GAS2: variants seen among roughly 807,000 people sequenced by gnomAD.
GAS2 encodes growth arrest-specific protein 2.
GAS2 carries 20 observed loss-of-function variants against 37.5 expected under a neutral mutation model. That is an observed-to-expected ratio of 0.53 (90% CI 0.37 to 0.77). GAS2 has a LOEUF of 0.77. Ranked by LOEUF, GAS2 falls within the 30% of genes least tolerant of loss-of-function variation. GAS2 has a pLI of 0.00. For synonymous variants in GAS2, 144 were observed against 132.2 expected (o/e 1.09, Z -0.61); for missense variants, 336 against 373.4 (o/e 0.90, Z 0.82).
In GAS2 at chr11:22,765,552, G is replaced by A. The variant is rs141928628; in HGVS notation, c.723+9599G>A. On this transcript the variant is annotated intron_variant, in intron 7 of 7. Transcript: ENST00000454584. ...CCCAGCACTTTGGGAGGCCAAGGCG[G>A]GCGGCTCATGAGATCAGGAGATTGA... is the stretch of plus-strand genomic sequence containing the variant. Among the ~76,000 whole-genome samples the A allele has an allele frequency of 2.9e-3, 437 of 152,300 alleles. 1 individual carries two copies. Among genetic ancestry groups the A allele is most frequent in the African/African-American group, 9.6e-3 (401 of 41,562 alleles).
intron 2 of GAS2, among the ~76,000 whole-genome samples, chr11:22,679,044 G>C (rs551171712): frequency 4.5e-4 from 68 of 152,126 alleles, no homozygotes; most frequent in Non-Finnish European, 8.7e-4. Flanking sequence ...GTTAATAGTA[G>C]CTGGGATTTC....
At chr11:22,648,298 C>A (rs1460037840) in intron 1 of GAS2, among the ~76,000 whole-genome samples, 3 of 152,074 alleles carry the variant, frequency 2.0e-5, no homozygotes, top group African/African-American at 7.3e-5. Context: ...TGTTTTGGTA[C>A]CAATACCATG....
At chr11:22,754,563 C>T (rs1391192460) in intron 6 of GAS2, among the ~76,000 whole-genome samples, 1 of 151,860 alleles carries the variant, frequency 6.6e-6, no homozygotes, top group Non-Finnish European at 1.5e-5. Context: ...CATAATTGTA[C>T]ATGCGATAAA....
intron 3 of GAS2, among the ~76,000 whole-genome samples, chr11:22,714,408 G>A (rs2134099763): frequency 6.6e-6 from 1 of 152,080 alleles, no homozygotes; most frequent in African/African-American, 2.4e-5. Flanking sequence ...AATGAGATAG[G>A]TGACAGCATA....
chr11:22,739,946 C>T (rs148694173), intron 5 of GAS2, among the ~76,000 whole-genome samples: 2 of 151,864 alleles, frequency 1.3e-5, no homozygotes, highest in African/African-American at 4.8e-5. Context: ...TGCCTTATTT[C>T]TGGATTTTAT....
At chr11:22,771,375 A>C (rs1173089512) in intron 7 of GAS2, among the ~76,000 whole-genome samples, 1 of 152,168 alleles carries the variant, frequency 6.6e-6, no homozygotes, top group African/African-American at 2.4e-5. Context: ...AAAATGAAAC[A>C]CCATATAATT....
At chr11:22,646,676 TG>T (rs1347172375) in intron 1 of GAS2, among the ~76,000 whole-genome samples, 1 of 152,226 alleles carries the variant, frequency 6.6e-6, no homozygotes, top group African/African-American at 2.4e-5. Context: ...CATTTGCCTC[TG>T]TTAAATTGTA....
At chr11:22,729,312 G>A (rs1852363588) in intron 4 of GAS2, among the ~76,000 whole-genome samples, 1 of 151,746 alleles carries the variant, frequency 6.6e-6, no homozygotes, top group South Asian at 2.1e-4. Flanking sequence ...TTATTTGTCA[G>A]AGGATCTTGA....
intron 1 of GAS2, among the ~76,000 whole-genome samples, chr11:22,652,277 TTCTCAGA>T (rs1200468599): frequency 6.6e-6 from 1 of 152,190 alleles, no homozygotes; most frequent in Non-Finnish European, 1.5e-5. Flanking sequence ...AGTCTGCCCG[TTCTCAGA>T]TCTCCAGCTG....
At chr11:22,780,120 C>T (rs1855478594) in intron 7 of GAS2, among the ~76,000 whole-genome samples, 1 of 152,108 alleles carries the variant, frequency 6.6e-6, no homozygotes, top group African/African-American at 2.4e-5. Context: ...CTAAAACAAA[C>T]AGGTACTGTT....
chr11:22,630,935 G>T (rs908457713), intron 1 of GAS2, among the ~76,000 whole-genome samples: 1 of 152,176 alleles, frequency 6.6e-6, no homozygotes, highest in Non-Finnish European at 1.5e-5. Flanking sequence ...GCTTTGGGCA[G>T]TATGGTCATT....
chr11:22,807,960 G>A (rs996943463), intron 7 of GAS2, among the ~76,000 whole-genome samples: 2 of 152,112 alleles, frequency 1.3e-5, no homozygotes, highest in East Asian at 3.9e-4. Flanking sequence ...TCTGAGAAAA[G>A]AACTCAGATA....
intron 1 of GAS2, among the ~76,000 whole-genome samples, chr11:22,654,844 T>A (rs900905883): frequency 6.6e-6 from 1 of 152,164 alleles, no homozygotes. Flanking sequence ...ATTATAAAAC[T>A]AAAAGAGCAT....
At chr11:22,707,173 T>C (rs996600959) in intron 3 of GAS2, among the ~76,000 whole-genome samples, 2 of 152,166 alleles carry the variant, frequency 1.3e-5, no homozygotes, top group African/African-American at 4.8e-5. Flanking sequence ...AGTTTCCTAC[T>C]TGAGGACACA....
intron 7 of GAS2, among the ~76,000 whole-genome samples, chr11:22,775,771 T>G (rs1475621665): frequency 1.3e-5 from 2 of 152,184 alleles, no homozygotes; most frequent in African/African-American, 2.4e-5. Context: ...TTTTAGAAAT[T>G]TGTTACCCTA....
chr11:22,638,584 G>T (rs1190340758), intron 1 of GAS2, among the ~76,000 whole-genome samples: 2 of 152,082 alleles, frequency 1.3e-5, no homozygotes, highest in Non-Finnish European at 2.9e-5. Context: ...GACCTCAAAT[G>T]ATCCTCCTGC....
At chr11:22,725,484 G>A (rs1852156393) in intron 3 of GAS2, among the ~76,000 whole-genome samples, 1 of 152,028 alleles carries the variant, frequency 6.6e-6, no homozygotes, top group Non-Finnish European at 1.5e-5. Context: ...GTTGAAGTGC[G>A]GTGGCATGAT....
chr11:22,717,622 T>C (rs1307938695), intron 3 of GAS2, among the ~76,000 whole-genome samples: 1 of 151,774 alleles, frequency 6.6e-6, no homozygotes, highest in African/African-American at 2.4e-5. Flanking sequence ...CAAAGATAAA[T>C]AGATGGGACT....
rs770631932 is a variant in GAS2 at position 22,641,022 on chromosome 11, C to T, written c.-21+15209C>T. On this transcript the variant is annotated intron_variant, in intron 1 of 5. Coordinates refer to the GAS2 transcript ENST00000528582. ...TTCTTCCATTTTTCCCCCTCCTCTG[C>T]GCAGAGGAGTGAACTGAGCTTTACT... Among the ~76,000 whole-genome samples the T allele has an allele frequency of 1.4e-4, 21 of 151,644 alleles. 1 individual carries two copies. The highest frequency in any genetic ancestry group is 1.0e-3 in the South Asian group (5 of 4,800).
Sources: allele counts gnomAD v4.1 joint callset (sites outside exome capture counted in the v4.1 genomes callset), GRCh38; gene constraint gnomAD v4.1.1; transcripts MANE v1.5; gene names NCBI Gene and HGNC (gene_info 2026-07-23, HGNC 2026-07-21).